Variants in CNR2 observed in about 807,000 individuals in gnomAD.
CNR2 encodes the protein cannabinoid receptor 2, also known as cannabinoid receptor 2 (macrophage).
For synonymous variants in CNR2, 172 were observed against 182.2 expected (o/e 0.94, Z 0.45); for missense variants, 379 against 439.9 (o/e 0.86, Z 1.24).
At chr1:23,883,254 G>T (rs1303204161) in intron 1 of CNR2, among the ~76,000 whole-genome samples, 1 of 152,222 alleles carries the variant, frequency 6.6e-6, no homozygotes, top group Non-Finnish European at 1.5e-5. Context: ...CTCTCATTGC[G>T]ATGGGGGTGT....
chr1:23,883,781 C>T (rs1640033089), intron 1 of CNR2, among the ~76,000 whole-genome samples: 1 of 152,062 alleles, frequency 6.6e-6, no homozygotes, highest in African/African-American at 2.4e-5. Flanking sequence ...GCTGAGATTG[C>T]ACCACTGCAC....
chr1:23,900,850 G>A (rs531320988), intron 1 of CNR2, among the ~76,000 whole-genome samples: 8 of 151,894 alleles, frequency 5.3e-5, no homozygotes, highest in Admixed American at 1.3e-4. Flanking sequence ...CCATTTTACC[G>A]AGCCACGTTT....
At position 23,875,158 on chromosome 1, in the gene CNR2, G is replaced by C. The variant is rs145306214; in HGVS notation, c.460C>G (p.Leu154Val). 2.5e-6 allele frequency: 4 copies of C among 1,613,662 alleles called. No individual in the cohort carries two copies. In the African/African-American group the frequency reaches 5.3e-5, roughly 22 times the overall value. Residue 154 changes from leucine to valine, a missense_variant, in exon 2 of 2, where the codon CTG becomes GTG. Leu to Val is a conservative substitution (Grantham distance 32). Transcript: ENST00000374472. Reference protein sequence around the residue: ...LLTRGRALVTLGIMWVLSALV... With the variant: ...LLTRGRALVTVGIMWVLSALV... ...GCTGAGAGGACCCACATGATGCCCA[G>C]GGTCACCAGTGCCCTTCCACGGGTG...
Position 23,872,516 on chromosome 1 carries a change from C to A in CNR2, c.*2019G>T, listed in dbSNP as rs1252870277. The A allele has an allele frequency of 6.6e-6, 1 of 151,958 alleles. No homozygotes were observed. The highest frequency in any genetic ancestry group is 1.5e-5 in the Non-Finnish European group (1 of 68,010). 9.4% of individuals were successfully genotyped at this position (151,958 alleles called of 1,614,324 possible). ...TTATCCCTAATGAGCAATAATCAAG[C>A]AGAATTTGACTGAACTAGGACAAAA... On this transcript the variant is annotated 3_prime_UTR_variant, in exon 2 of 2. Transcript: ENST00000374472.
intron 1 of CNR2, chr1:23,901,652 T>C: frequency 6.6e-7 from 1 of 1,511,798 alleles, no homozygotes; most frequent in Non-Finnish European, 9.2e-7. Context: ...GAAGGTGTCT[T>C]GTTCAACCTG....
At chr1:23,882,231 G>A (rs891238198) in intron 1 of CNR2, among the ~76,000 whole-genome samples, 35 of 152,022 alleles carry the variant, frequency 2.3e-4, no homozygotes, top group Non-Finnish European at 1.9e-4. Context: ...CCTCAGGTAT[G>A]GATCTTTAAA....
chr1:23,903,936 G>A (rs1412114881), intron 1 of CNR2, among the ~76,000 whole-genome samples: 1 of 152,216 alleles, frequency 6.6e-6, no homozygotes, highest in African/African-American at 2.4e-5. Context: ...AACTGTCACA[G>A]GAGCCTGCCT....
At chr1:23,903,138 C>G (rs1283602378) in intron 1 of CNR2, among the ~76,000 whole-genome samples, 1 of 152,180 alleles carries the variant, frequency 6.6e-6, no homozygotes, top group South Asian at 2.1e-4. Flanking sequence ...CCTACCACCC[C>G]CGCCCCTGCG....
At chr1:23,902,049 G>A (rs1640408724) in intron 1 of CNR2, 10 of 1,582,920 alleles carry the variant, frequency 6.3e-6, no homozygotes, top group South Asian at 2.2e-5. Context: ...ACTGGGCAGC[G>A]CCGTTGGCAA....
Position 23,899,256 on chromosome 1 carries a change from C to G in CNR2, c.-46+13990G>C, listed in dbSNP as rs573137258. 9.2e-5 allele frequency among the ~76,000 whole-genome samples: 14 copies of G among 152,182 alleles called. 1 individual carries two copies. The South Asian group carries it at 2.9e-3, about 32-fold the overall frequency. The stretch of plus-strand genomic sequence containing the variant: ...AGAATTCAGACTCATATATCTGGTG[C>G]CAGACCCTGACCACAGAAGTTGGGC... On this transcript the variant is annotated intron_variant, in intron 1 of 1. Transcript: ENST00000374472.
intron 1 of CNR2, chr1:23,901,716 A>C (rs4649135): frequency 7.1e-7 from 1 of 1,409,086 alleles, no homozygotes. Flanking sequence ...TCCGACATGA[A>C]TTTGGTCAGA....
At chr1:23,904,181 T>G (rs1640449114) in intron 1 of CNR2, among the ~76,000 whole-genome samples, 1 of 149,074 alleles carries the variant, frequency 6.7e-6, no homozygotes, top group African/African-American at 2.5e-5. Context: ...TTTCATTGTT[T>G]TTTTTTTTTT....
At chr1:23,883,739 C>T (rs531444679) in intron 1 of CNR2, among the ~76,000 whole-genome samples, 42 of 152,194 alleles carry the variant, frequency 2.8e-4, no homozygotes, top group African/African-American at 9.9e-4. Flanking sequence ...GCAGGAGAAT[C>T]GCTTGAACCC....
chr1:23,874,342 A>G lies in CNR2; in HGVS notation c.*193T>C. ...CTACTCCTCGTGGCCCTACCTATCC[A>G]ACAGACTGTGTGCAGGTGGGCAAGG... is the stretch of plus-strand genomic sequence containing the variant. On this transcript the variant is annotated 3_prime_UTR_variant, in exon 2 of 2. Coordinates refer to ENST00000374472, the MANE Select transcript of CNR2 (RefSeq NM_001841.3). 1 of 621,584 alleles carries G rather than the reference A, an allele frequency of 1.6e-6. No individual in the cohort carries two copies. The highest frequency in any genetic ancestry group is 2.0e-5 in the South Asian group (1 of 49,388). 38.5% of individuals were successfully genotyped at this position (621,584 alleles called of 1,614,324 possible). A position where few individuals can be genotyped will look rare whatever the true frequency, so the allele number is the denominator to read the frequency against.
Position 23,875,652 on chromosome 1 carries a change from A to G in CNR2, c.-35T>C. The G allele has an allele frequency of 6.4e-7, 1 of 1,554,406 alleles. No individual in the cohort carries two copies. The highest frequency in any genetic ancestry group is 8.7e-7 in the Non-Finnish European group (1 of 1,150,082). ...CCTTCAGATTCCACTGAGCTTGTCT[A>G]GAAGGCTTTGCTGCAGTACAATGAG... is the stretch of plus-strand genomic sequence containing the variant. On this transcript the variant is annotated 5_prime_UTR_variant, in exon 2 of 2. Transcript: ENST00000374472.
chr1:23,899,927 GAAAGA>G (rs1640364917), intron 1 of CNR2, among the ~76,000 whole-genome samples: 11 of 6,578 alleles, frequency 1.7e-3, no homozygotes, highest in African/African-American at 1.8e-3. Flanking sequence ...GAAAGAGAAA[GAAAGA>G]GAAAGAAAGG....
chr1:23,873,953 A>C lies in CNR2; in HGVS notation c.*582T>G, dbSNP rs201084943. The C allele has an allele frequency of 6.5e-6, 1 of 152,998 alleles. No individual in the cohort carries two copies. Among genetic ancestry groups the C allele is most frequent in the African/African-American group, 2.4e-5 (1 of 41,462 alleles). The allele number at this position is 152,998 out of a possible 1,614,324, so 9.5% of individuals were successfully genotyped here. A position where few individuals can be genotyped will look rare whatever the true frequency, so the allele number is the denominator to read the frequency against. ...TATCAGAGAGGGTCCTCGCCCAAACAACAGGATGCCCCAAACTGAAGGCTT... is the reference window on the plus strand; with the variant it reads ...TATCAGAGAGGGTCCTCGCCCAAACCACAGGATGCCCCAAACTGAAGGCTT... On this transcript the variant is annotated 3_prime_UTR_variant, in exon 2 of 2. Coordinates refer to ENST00000374472, the MANE Select transcript of CNR2 (RefSeq NM_001841.3).
chr1:23,903,577 C>CAAAA (rs112143003), intron 1 of CNR2, among the ~76,000 whole-genome samples: 2,153 of 130,860 alleles, frequency 0.016, 82 homozygotes, highest in African/African-American at 0.061. Context: ...CAGGCTTTGT[C>CAAAA]AAAAAAAAAA....
At chr1:23,900,502 C>T (rs1178935127) in intron 1 of CNR2, among the ~76,000 whole-genome samples, 1 of 93,876 alleles carries the variant, frequency 1.1e-5, no homozygotes, top group African/African-American at 4.2e-5. Flanking sequence ...CTTCCCTGAT[C>T]TCTTTTTTTT....
Sources: gnomAD v4.1 joint callset for allele counts (sites outside exome capture counted in the v4.1 genomes callset) on GRCh38, gnomAD v4.1.1 for gene constraint, MANE v1.5 for transcripts, NCBI Gene and HGNC (gene_info 2026-07-23, HGNC 2026-07-21) for gene names.